Variants in ASAH1 observed in about 807,000 individuals in gnomAD.
The protein encoded by ASAH1 is acid ceramidase.
Under a neutral mutation model 59.5 loss-of-function variants are expected in ASAH1, and 70 were observed. The observed-to-expected ratio is 1.18, with a 90% confidence interval of 0.97 to 1.43. The LOEUF (loss-of-function observed/expected upper bound fraction) is 1.43. Ranked by LOEUF, ASAH1 falls within the 40% of genes most tolerant of loss-of-function variation. The probability of loss-of-function intolerance (pLI) is 0.00; values close to 1 mark genes in which losing one functional copy is unlikely to be tolerated. For synonymous variants in ASAH1, 213 were observed against 166.5 expected (o/e 1.28, Z -2.15); for missense variants, 660 against 482.5 (o/e 1.37, Z -3.45).
upstream of ASAH1, chr8:18,084,716 G>A: frequency 6.2e-7 from 1 of 1,613,802 alleles, no homozygotes. Flanking sequence ...CAGAATTGAG[G>A]CCTCGGTGAA....
rs565152826 is a variant in ASAH1 at position 18,063,469 on chromosome 8, A to C, written c.458-239T>G. The C allele has an allele frequency of 1.9e-4, 66 of 354,078 alleles. No homozygotes were observed. In the South Asian group the frequency reaches 2.3e-3, roughly 12 times the overall value. 21.9% of individuals were successfully genotyped at this position (354,078 alleles called of 1,614,324 possible). Reference sequence around the variant, plus strand: ...CAGACATGTGCGACCGCACCTGGCTACTTTTTTTTTTTTTTTGTATTTTTC... The same window carrying C: ...CAGACATGTGCGACCGCACCTGGCTCCTTTTTTTTTTTTTTTGTATTTTTC... On this transcript the variant is annotated intron_variant, in intron 6 of 13. Coordinates refer to ENST00000637790, the MANE Select transcript of ASAH1 (RefSeq NM_177924.5).
chr8:18,067,121 AGACATACAGCAC>A, intron 5 of ASAH1, 87 bp downstream of exon 5: 1 of 543,254 alleles, frequency 1.8e-6, no homozygotes, highest in Non-Finnish European at 2.5e-6. Flanking sequence ...TGTATATCTA[AGACATACAGCAC>A]CTGTGCTGTA....
intron 10 of ASAH1, chr8:18,059,927 C>A: frequency 2.3e-6 from 1 of 443,502 alleles, no homozygotes; most frequent in Non-Finnish European, 4.1e-6. Context: ...CTCTCCCTCC[C>A]CTTTCACCCC....
In ASAH1 at chr8:18,059,760, CTTCA is replaced by C. The variant is rs1799616142; in HGVS notation, c.786-61_786-58del. 6 of 1,474,726 alleles carry C rather than the reference CTTCA, an allele frequency of 4.1e-6. No homozygotes were observed. The South Asian group carries it at 5.0e-5, about 12-fold the overall frequency. 91.4% of individuals were successfully genotyped at this position (1,474,726 alleles called of 1,614,324 possible). On this transcript the variant is annotated intron_variant, in intron 10 of 13. Transcript: ENST00000637790. ...ACTTTTTTTTAATTTTAGTAAATAA[CTTCA>C]TTTATTTTTAAATTTTACTTTAAGT...
chr8:18,073,367 G>A, intron 2 of ASAH1: 1 of 1,195,438 alleles, frequency 8.4e-7, no homozygotes, highest in South Asian at 1.4e-5. Context: ...CTACTTCACT[G>A]CAAACAAGAA....
In ASAH1 at chr8:18,065,688, TTAAA is replaced by T. The variant is rs569930388; in HGVS notation, c.383-1161_383-1158del. 5.6e-4 allele frequency: 85 copies of T among 152,252 alleles called. 1 individual carries two copies. Among genetic ancestry groups the T allele is most frequent in the African/African-American group, 1.9e-3 (78 of 41,558 alleles). 9.4% of individuals were successfully genotyped at this position (152,252 alleles called of 1,614,324 possible). ...GATACTGCTCAGAGAAATCAGTAACTTAAATAAATATTGAGAAAAACAAAGTTGG... is the reference window on the plus strand; with the variant it reads ...GATACTGCTCAGAGAAATCAGTAACTTAAATATTGAGAAAAACAAAGTTGG... On this transcript the variant is annotated intron_variant, in intron 5 of 13. Transcript: ENST00000637790.
At chr8:18,072,213 T>C (rs1314642612) in intron 2 of ASAH1, among the ~76,000 whole-genome samples, 3 of 152,258 alleles carry the variant, frequency 2.0e-5, no homozygotes, top group Non-Finnish European at 4.4e-5. Flanking sequence ...AGTATAAACC[T>C]ATGCCTAAAA....
At chr8:18,074,034 G>C (rs1321769387) in intron 2 of ASAH1, among the ~76,000 whole-genome samples, 1 of 152,174 alleles carries the variant, frequency 6.6e-6, no homozygotes, top group African/African-American at 2.4e-5. Context: ...ATAAGAGTCA[G>C]TAAAATGCCT....
chr8:18,062,830 C>A (rs1277889676), intron 7 of ASAH1: 16 of 337,958 alleles, frequency 4.7e-5, no homozygotes, highest in South Asian at 4.3e-4. Flanking sequence ...CAATATAACA[C>A]AACCTACTCT....
At chr8:18,071,689 C>A (rs76780367) in intron 2 of ASAH1, among the ~76,000 whole-genome samples, 1 of 141,512 alleles carries the variant, frequency 7.1e-6, no homozygotes, top group Non-Finnish European at 1.6e-5. Context: ...TTATCACTGA[C>A]GGGAAATACC....
chr8:18,058,866 T>C lies in ASAH1; in HGVS notation c.1067A>G (p.Asp356Gly). 6.2e-7 allele frequency: 1 copy of C among 1,612,594 alleles called. No individual in the cohort carries two copies. Among genetic ancestry groups the C allele is most frequent in the South Asian group, 1.1e-5 (1 of 91,066 alleles). Residue 356 changes from aspartate (D) to glycine (G), a missense_variant, in exon 13 of 14, where the codon GAT becomes GGT. Transcript: ENST00000637790. ...GAGGACAGGTTTTGTTGACAGGACA[T>C]CATACATGGTTTCAAATGAGATATT... ...QENISFETMYDVLSTKPVLNK... is the reference protein window; with the variant it reads ...QENISFETMYGVLSTKPVLNK...
At position 18,058,803 on chromosome 8, in the gene ASAH1, A is replaced by G. The variant is rs1399280090; in HGVS notation, c.1098+32T>C. On this transcript the variant is annotated intron_variant, in intron 13 of 13. Coordinates refer to ENST00000637790, the MANE Select transcript of ASAH1 (RefSeq NM_177924.5). ...AACATAGGGCCAAATTCTTTCCCTA[A>G]AAGGCAAATATACATATAACATTTA... The G allele has an allele frequency of 2.5e-6, 4 of 1,578,664 alleles. No individual in the cohort carries two copies. The Admixed American group carries it at 6.7e-5, about 26-fold the overall frequency.
rs373016352 is a variant in ASAH1, at chr8:18,063,159, T to C, written c.503+26A>G. 238 of 1,610,964 alleles carry C rather than the reference T, an allele frequency of 1.5e-4. 1 individual carries two copies. In the East Asian group the frequency reaches 4.0e-3, roughly 27 times the overall value. ...CTGGGATTACAGGCGTGAACCACCA[T>C]GCCTGACCCTTTGTTCTTTACTTAC... On this transcript the variant is annotated intron_variant, in intron 7 of 13. Transcript: ENST00000637790.
chr8:18,084,873 C>T (rs1353648531), upstream of ASAH1: 23 of 1,586,216 alleles, frequency 1.4e-5, no homozygotes, highest in East Asian at 5.2e-4. Flanking sequence ...TGGGAGGAGG[C>T]GGACGCGAGT....
intron 13 of ASAH1, 182 bp from the exon 14 acceptor site, chr8:18,057,805 T>G (rs556006410): frequency 1.8e-4 from 34 of 186,496 alleles, no homozygotes; most frequent in Non-Finnish European, 8.5e-5. Flanking sequence ...TATAATCATA[T>G]AAAATTAGCT....
At position 18,057,642 on chromosome 8, in the gene ASAH1, T is replaced by C. The variant is rs1410726745; in HGVS notation, c.1099-19A>G. On this transcript the variant is annotated intron_variant, in intron 13 of 13. Coordinates refer to ENST00000637790, the MANE Select transcript of ASAH1 (RefSeq NM_177924.5). ...CGGTCAGCTGAAAGAAAAGTTATTT[T>C]TACTTTAAGGACGTTTTCAATTCAG... The C allele has an allele frequency of 2.6e-6, 4 of 1,562,562 alleles. No homozygotes were observed. Among genetic ancestry groups the C allele is most frequent in the Non-Finnish European group, 3.5e-6 (4 of 1,142,188 alleles).
chr8:18,062,849 ACC>A (rs1248934681), intron 7 of ASAH1: 107 of 331,554 alleles, frequency 3.2e-4, no homozygotes, highest in Non-Finnish European at 5.1e-4. Flanking sequence ...CTTCCTACAG[ACC>A]AAAACAGTTC....
At chr8:18,059,294 T>A (rs375368649) in intron 12 of ASAH1, 47 bp downstream of exon 12, 1 of 1,613,502 alleles carries the variant, frequency 6.2e-7, no homozygotes, top group Non-Finnish European at 8.5e-7. Context: ...ACCAAGGGAA[T>A]CTTTAATGGC....
At position 18,059,321 on chromosome 8, in the gene ASAH1, A is replaced by T. The variant is rs974871633; in HGVS notation, c.1041+20T>A. On this transcript the variant is annotated intron_variant, in intron 12 of 13. Coordinates refer to ENST00000637790, the MANE Select transcript of ASAH1 (RefSeq NM_177924.5). The stretch of plus-strand genomic sequence containing the variant: ...TTTAATGGCAACAGTTTCTTTCTAT[A>T]GATGACCCTGCAAAGGTACCTCTTG... 1.5e-5 allele frequency: 24 copies of T among 1,614,046 alleles called. No individual in the cohort carries two copies. The highest frequency in any genetic ancestry group is 1.9e-5 in the Non-Finnish European group (23 of 1,180,044).
Sources: allele counts gnomAD v4.1 joint callset (sites outside exome capture counted in the v4.1 genomes callset), GRCh38; gene constraint gnomAD v4.1.1; transcripts MANE v1.5; gene names NCBI Gene and HGNC (gene_info 2026-07-23, HGNC 2026-07-21).